Variants in ATPAF2 observed in about 807,000 individuals in gnomAD.
The protein encoded by ATPAF2 is ATP synthase mitochondrial F1 complex assembly factor 2.
Under a neutral mutation model 36.6 loss-of-function variants are expected in ATPAF2, and 30 were observed. That is an observed-to-expected ratio of 0.82 (90% confidence interval 0.61 to 1.11). ATPAF2 has a LOEUF of 1.11. Among genes scored for constraint, ATPAF2 ranks in the 50% most tolerant of loss-of-function variants. The probability of loss-of-function intolerance (pLI) is 0.00; values close to 1 mark genes in which losing one functional copy is unlikely to be tolerated. For missense variants in ATPAF2, 321 were observed against 372.3 expected, an observed-to-expected ratio of 0.86 and a Z score of 1.13; for synonymous variants, 140 against 152.6, an observed-to-expected ratio of 0.92 and a Z score of 0.61.
chr17:18,015,224 GAACGTTTTAGAGACCATTAAGTT>G, downstream of ATPAF2: 1 of 152,290 alleles, frequency 6.6e-6, no homozygotes, highest in East Asian at 1.9e-4. Flanking sequence ...AGATTGCACA[GAACGTTTTAGAGACCATTAAGTT>G]AACTGCCACT....
intron 1 of ATPAF2, among the ~76,000 whole-genome samples, chr17:18,032,769 C>T (rs887392440): frequency 6.6e-6 from 1 of 151,312 alleles, no homozygotes; most frequent in Non-Finnish European, 1.5e-5. Flanking sequence ...GCACGTGGAA[C>T]GATTAGTCAG....
downstream of ATPAF2, chr17:18,015,910 GAA>G: frequency 1.3e-6 from 1 of 746,438 alleles, no homozygotes; most frequent in South Asian, 1.8e-5. Flanking sequence ...ATTCACAGAT[GAA>G]TCGGCAGAGT....
At chr17:18,019,000 T>TG (rs1382757307) in intron 7 of ATPAF2, among the ~76,000 whole-genome samples, 11 of 152,188 alleles carry the variant, frequency 7.2e-5, no homozygotes, top group African/African-American at 2.6e-4. Context: ...TAGCTGGGTG[T>TG]GGTGGGGGTG....
At position 18,018,611 on chromosome 17, in the gene ATPAF2, T is replaced by C; in HGVS notation, c.808A>G (p.Thr270Ala). Residue 270 changes from threonine to alanine, a missense_variant, in exon 8 of 8, where the codon ACC becomes GCC. Thr to Ala is a moderately conservative substitution (Grantham distance 58, BLOSUM62 0). Around this residue, in one of 3 missense-constraint regions of ATPAF2, gnomAD observed 199 missense variants for 220.6 expected, o/e 0.90. Transcript: ENST00000474627. Reference protein sequence around the residue: ...QELRARTAAGTLFIHLCSEST... With the variant: ...QELRARTAAGALFIHLCSEST... The stretch of plus-strand genomic sequence containing the variant: ...TCGGAGCAGAGATGGATGAAGAGGG[T>C]GCCGGCGGCGGTGCGGGCCCGCAGC... 1 of 1,613,912 alleles carries C rather than the reference T, an allele frequency of 6.2e-7. No homozygotes were observed. Among genetic ancestry groups the C allele is most frequent in the Non-Finnish European group, 8.5e-7 (1 of 1,179,992 alleles).
chr17:18,016,822 A>C, downstream of ATPAF2: 1 of 505,508 alleles, frequency 2.0e-6, no homozygotes, highest in Non-Finnish European at 3.5e-6. Context: ...CCCTGGAAAA[A>C]CTTCCAAAAG....
At chr17:18,016,471 A>G (rs2044367764), downstream of ATPAF2, 8 of 1,009,662 alleles carry the variant, frequency 7.9e-6, no homozygotes, top group Admixed American at 1.3e-4. Flanking sequence ...TAAAGGAACT[A>G]TTTTCCCCTT....
chr17:18,021,369 C>A, intron 6 of ATPAF2, 131 bp from the exon 7 acceptor site: 1 of 764,298 alleles, frequency 1.3e-6, no homozygotes, highest in Admixed American at 2.0e-5. Context: ...TTGTCCCACT[C>A]TTCTGAAAGA....
At chr17:18,029,087 G>A (rs1465545564) in intron 1 of ATPAF2, among the ~76,000 whole-genome samples, 1 of 152,208 alleles carries the variant, frequency 6.6e-6, no homozygotes, top group East Asian at 1.9e-4. Flanking sequence ...TGGAAAGCCA[G>A]TGTGCGTGCG....
In ATPAF2 at chr17:18,039,064, C is replaced by G. The variant is rs953600703; in HGVS notation, c.-51G>C. 4 of 1,555,120 alleles carry G rather than the reference C, an allele frequency of 2.6e-6. No individual in the cohort carries two copies. The highest frequency in any genetic ancestry group is 3.5e-6 in the Non-Finnish European group (4 of 1,149,682). Reference sequence around the variant, plus strand: ...GAGACGCGAAACCTGGAGCAGGAAACACAGAGCGATGGGATCCCCAAAGCC... The same window carrying G: ...GAGACGCGAAACCTGGAGCAGGAAAGACAGAGCGATGGGATCCCCAAAGCC... On this transcript the variant is annotated 5_prime_UTR_variant, in exon 1 of 8. Transcript: ENST00000474627. The surrounding 1 kb of genome is among the most constrained non-coding windows in gnomAD (Gnocchi z 5.3).
chr17:18,024,528 C>CTAAG (rs2044516136), intron 5 of ATPAF2, 96 bp downstream of exon 5: 5 of 1,022,946 alleles, frequency 4.9e-6, no homozygotes, highest in Non-Finnish European at 7.6e-6. Context: ...AGCTGACTAG[C>CTAAG]TAAGGGCACT....
At position 18,021,095 on chromosome 17, in the gene ATPAF2, A is replaced by G. The variant is rs777485828; in HGVS notation, c.732+28T>C. 8.1e-6 allele frequency: 13 copies of G among 1,599,316 alleles called. No homozygotes were observed. In the Admixed American group the frequency reaches 2.1e-4, roughly 25 times the overall value. On this transcript the variant is annotated intron_variant, in intron 7 of 7. Transcript: ENST00000474627. ...AAGTGAGTCTGAACTAGGAAGGGGGAGGCGGGACCTGAGGTGCTGCTCCTC... is the reference window on the plus strand; with the variant it reads ...AAGTGAGTCTGAACTAGGAAGGGGGGGGCGGGACCTGAGGTGCTGCTCCTC...
intron 1 of ATPAF2, among the ~76,000 whole-genome samples, chr17:18,029,713 C>G (rs1337770112): frequency 6.6e-6 from 1 of 151,690 alleles, no homozygotes; most frequent in Non-Finnish European, 1.5e-5. Context: ...GCCTCAGTCC[C>G]CTGAGTAGCT....
At chr17:18,028,067 C>G in intron 3 of ATPAF2, 165 bp downstream of exon 3, 2 of 813,638 alleles carry the variant, frequency 2.5e-6, no homozygotes, top group Non-Finnish European at 4.2e-6. Flanking sequence ...CCGGGCCAGA[C>G]AAGGAAAGAG....
At chr17:18,016,732 A>G, downstream of ATPAF2, 1 of 1,078,552 alleles carries the variant, frequency 9.3e-7, no homozygotes, top group Non-Finnish European at 1.4e-6. Flanking sequence ...AGGAGAAGGA[A>G]GTGCACACGC....
intron 1 of ATPAF2, among the ~76,000 whole-genome samples, chr17:18,037,877 C>A (rs1397411569): frequency 6.6e-6 from 1 of 152,164 alleles, no homozygotes; most frequent in African/African-American, 2.4e-5. Flanking sequence ...ACTCTCCCAC[C>A]TTTTTGCTGA....
In ATPAF2 at chr17:18,028,626, G is replaced by A; in HGVS notation, c.167C>T (p.Thr56Ile). 6.2e-7 allele frequency: 1 copy of A among 1,612,046 alleles called. No individual in the cohort carries two copies. The highest frequency in any genetic ancestry group is 1.1e-5 in the South Asian group (1 of 91,032). ...RKRFYQNVSI[T>I]QGEGGFEINL... ...TTTCAGACACTCACCTTCACCCTGT[G>A]TGATGCTGACATTCTGATAAAACCT... Residue 56 changes from threonine (T) to isoleucine (I), a missense_variant, in exon 2 of 8, where the codon ACA (threonine) becomes ATA (isoleucine). Around this residue, in one of 3 missense-constraint regions of ATPAF2, gnomAD observed 53 missense variants for 91.6 expected, o/e 0.58. Transcript: ENST00000474627.
At chr17:18,016,651 T>G (rs1223528272), downstream of ATPAF2, 1 of 1,612,322 alleles carries the variant, frequency 6.2e-7, no homozygotes, top group Non-Finnish European at 8.5e-7. Context: ...CAACCTGGAA[T>G]GTGGCGACAT....
chr17:18,016,720 C>T (rs750166082), downstream of ATPAF2: 13 of 1,292,442 alleles, frequency 1.0e-5, no homozygotes, highest in Non-Finnish European at 1.3e-5. Flanking sequence ...CCAGCCCCAG[C>T]CAGGAGAAGG....
At position 18,018,499 on chromosome 17, in the gene ATPAF2, G is replaced by A. The variant is rs1304417307; in HGVS notation, c.*50C>T. The A allele has an allele frequency of 3.1e-6, 5 of 1,608,404 alleles. No homozygotes were observed. In the African/African-American group the frequency reaches 6.7e-5, roughly 21 times the overall value. On this transcript the variant is annotated 3_prime_UTR_variant, in exon 8 of 8. Transcript: ENST00000474627. Reference sequence around the variant, plus strand: ...GGCTGGGGAGCCCTGAAGGCCGGGGGAGCTGTGGCTGCACTGCCTCTATCC... The same window carrying A: ...GGCTGGGGAGCCCTGAAGGCCGGGGAAGCTGTGGCTGCACTGCCTCTATCC...
Sources: allele counts gnomAD v4.1 joint callset (sites outside exome capture counted in the v4.1 genomes callset), GRCh38; gene constraint gnomAD v4.1.1; regional missense constraint gnomAD v4.1.1; non-coding constraint Gnocchi (gnomAD v3.1); transcripts MANE v1.5; gene names NCBI Gene and HGNC (gene_info 2026-07-23, HGNC 2026-07-21).